Variants in MKLN1 observed in about 807,000 individuals in gnomAD.
MKLN1 encodes the protein muskelin.
Under a neutral mutation model 99.0 loss-of-function variants are expected in MKLN1, and 18 were observed. The ratio of observed to expected loss-of-function variants is 0.18; its 90% CI spans 0.13 to 0.27. MKLN1 has a LOEUF of 0.27. Among genes scored for constraint, MKLN1 ranks in the 10% least tolerant of loss-of-function variants. The pLI, the probability that MKLN1 is intolerant of heterozygous loss-of-function variation, is 1.00. For synonymous variants in MKLN1, 288 were observed against 293.2 expected, an observed-to-expected ratio of 0.98 and a Z score of 0.18; for missense variants, 621 against 875.9, an observed-to-expected ratio of 0.71 and a Z score of 3.67.
At chr7:131,414,518 C>G in intron 7 of MKLN1, 127 bp from the exon 8 acceptor site, 1 of 539,538 alleles carries the variant, frequency 1.9e-6, no homozygotes, top group Non-Finnish European at 3.3e-6. Flanking sequence ...AGTCCTTTTA[C>G]TTATTAATAT....
intron 2 of MKLN1, among the ~76,000 whole-genome samples, chr7:131,182,317 A>C (rs1796388168): frequency 6.6e-6 from 1 of 152,228 alleles, no homozygotes; most frequent in South Asian, 2.1e-4. Context: ...AAAATACTGG[A>C]ATTGAAAAGC....
At chr7:131,214,648 G>A (rs1316846344) in intron 3 of MKLN1, among the ~76,000 whole-genome samples, 2 of 152,176 alleles carry the variant, frequency 1.3e-5, no homozygotes, top group African/African-American at 4.8e-5. Context: ...TATTGCTTAA[G>A]CCACTCTAAG....
At chr7:131,278,601 T>C (rs1327003134) in intron 3 of MKLN1, among the ~76,000 whole-genome samples, 1 of 152,116 alleles carries the variant, frequency 6.6e-6, no homozygotes, top group Non-Finnish European at 1.5e-5. Flanking sequence ...TTAACATTTA[T>C]TGAATGTCTA....
intron 12 of MKLN1, among the ~76,000 whole-genome samples, chr7:131,456,379 A>T (rs912654607): frequency 6.6e-6 from 1 of 152,210 alleles, no homozygotes; most frequent in African/African-American, 2.4e-5. Flanking sequence ...CTTCCCCAGA[A>T]TCAACCCAGA....
chr7:131,288,684 T>G (rs111844594), intron 3 of MKLN1, among the ~76,000 whole-genome samples: 6,459 of 152,208 alleles, frequency 0.042, 445 homozygotes, highest in African/African-American at 0.15. Flanking sequence ...TGTGGGCCCT[T>G]CAGTAGTCAG....
chr7:131,363,795 G>T (rs536854915), intron 1 of MKLN1, among the ~76,000 whole-genome samples: 1 of 147,510 alleles, frequency 6.8e-6, no homozygotes, highest in Non-Finnish European at 1.5e-5. Flanking sequence ...TCACCACCCC[G>T]TTTATTTCTT....
chr7:131,196,835 A>G (rs1400611962), intron 2 of MKLN1, among the ~76,000 whole-genome samples: 1 of 138,710 alleles, frequency 7.2e-6, no homozygotes, highest in African/African-American at 3.5e-5. Context: ...TAAATCAGGA[A>G]AAAAAAATCC....
chr7:131,387,408 C>T (rs1794066019), intron 3 of MKLN1, 146 bp downstream of exon 3: 2 of 549,870 alleles, frequency 3.6e-6, no homozygotes, highest in African/African-American at 2.0e-5. Flanking sequence ...TAGTTTAATA[C>T]TGTGGCTTGA....
intron 3 of MKLN1, among the ~76,000 whole-genome samples, chr7:131,222,545 C>T (rs918827993): frequency 3.9e-5 from 6 of 152,172 alleles, no homozygotes; most frequent in Non-Finnish European, 7.3e-5. Context: ...GTATAACACT[C>T]TCTGTTGGGT....
At chr7:131,124,243 T>C (rs1795420372) in intron 1 of MKLN1, among the ~76,000 whole-genome samples, 1 of 152,196 alleles carries the variant, frequency 6.6e-6, no homozygotes, top group African/African-American at 2.4e-5. Flanking sequence ...GTAGGTAACT[T>C]ATTCAAAAGA....
intron 2 of MKLN1, among the ~76,000 whole-genome samples, chr7:131,155,949 G>A (rs562327386): frequency 6.6e-6 from 1 of 152,208 alleles, no homozygotes; most frequent in Non-Finnish European, 1.5e-5. Context: ...ATTTGATTAT[G>A]TCACTTTTTT....
chr7:131,165,212 T>C (rs1763024345), intron 2 of MKLN1, among the ~76,000 whole-genome samples: 1 of 151,976 alleles, frequency 6.6e-6, no homozygotes, highest in South Asian at 2.1e-4. Context: ...TGAGACAGAG[T>C]TTCACTCTTG....
chr7:131,142,242 C>T (rs1040904216), intron 1 of MKLN1, among the ~76,000 whole-genome samples: 16 of 152,174 alleles, frequency 1.1e-4, no homozygotes, highest in African/African-American at 3.4e-4. Context: ...CCTGTCTCTA[C>T]TAAAAATACA....
intron 2 of MKLN1, among the ~76,000 whole-genome samples, chr7:131,161,983 A>G (rs1354218876): frequency 2.8e-4 from 33 of 115,848 alleles, no homozygotes; most frequent in African/African-American, 7.6e-4. Flanking sequence ...ATATATATAT[A>G]TATATATATA....
chr7:131,176,209 T>C (rs760587782), intron 2 of MKLN1, among the ~76,000 whole-genome samples: 1 of 152,222 alleles, frequency 6.6e-6, no homozygotes, highest in Non-Finnish European at 1.5e-5. Flanking sequence ...ATGCAATTAA[T>C]GGTATTCTTA....
At chr7:131,156,742 A>G (rs1437246388) in intron 2 of MKLN1, among the ~76,000 whole-genome samples, 2 of 152,126 alleles carry the variant, frequency 1.3e-5, no homozygotes, top group African/African-American at 4.8e-5. Flanking sequence ...GTTATTTTCA[A>G]CCTACGATGG....
At chr7:131,428,158 G>A (rs1485304438) in intron 8 of MKLN1, among the ~76,000 whole-genome samples, 1 of 151,980 alleles carries the variant, frequency 6.6e-6, no homozygotes, top group Non-Finnish European at 1.5e-5. Flanking sequence ...GAGAGAGACC[G>A]TGTCTCAAAA....
intron 3 of MKLN1, among the ~76,000 whole-genome samples, chr7:131,308,874 C>A (rs1584904789): frequency 6.6e-6 from 1 of 152,352 alleles, no homozygotes; most frequent in Admixed American, 6.5e-5. Context: ...CGTGAGCCAC[C>A]ATGCCCAACC....
At chr7:131,277,495 G>C (rs1339026033) in intron 3 of MKLN1, among the ~76,000 whole-genome samples, 2 of 152,130 alleles carry the variant, frequency 1.3e-5, no homozygotes, top group Non-Finnish European at 2.9e-5. Context: ...TGTTGGCCAA[G>C]CTGGTCTCAA....
Sources: allele counts gnomAD v4.1 joint callset (sites outside exome capture counted in the v4.1 genomes callset), GRCh38; gene constraint gnomAD v4.1.1; transcripts MANE v1.5; gene names NCBI Gene and HGNC (gene_info 2026-07-23, HGNC 2026-07-21).